LINC00305: variants seen among roughly 807,000 people sequenced by gnomAD.
The protein encoded by LINC00305 is long independently transcribed non-coding RNA 305.
At chr18:64,142,500 A>G (rs1386542074) in intron 1 of LINC00305, among the ~76,000 whole-genome samples, 1 of 152,154 alleles carries the variant, frequency 6.6e-6, no homozygotes, top group South Asian at 2.1e-4. Flanking sequence ...TATCCCCACC[A>G]CTTCTAAATG....
intron 1 of LINC00305, among the ~76,000 whole-genome samples, chr18:64,108,288 G>A (rs970409454): frequency 6.6e-6 from 1 of 152,168 alleles, no homozygotes; most frequent in African/African-American, 2.4e-5. Flanking sequence ...GGAAGCTAAG[G>A]ATGGCTTGGG....
At chr18:64,140,110 C>T (rs1376627375) in intron 1 of LINC00305, among the ~76,000 whole-genome samples, 1 of 152,208 alleles carries the variant, frequency 6.6e-6, no homozygotes, top group African/African-American at 2.4e-5. Context: ...CCAATTCCCA[C>T]TTTCTGTGAC....
At chr18:64,143,779 T>C (rs2051482683) in intron 1 of LINC00305, among the ~76,000 whole-genome samples, 2 of 98,968 alleles carry the variant, frequency 2.0e-5, no homozygotes, top group East Asian at 4.3e-4. Flanking sequence ...TGCGTACATG[T>C]ATGTACACAT....
chr18:64,092,660 A>T (rs1297545261), intron 3 of LINC00305, among the ~76,000 whole-genome samples: 1 of 152,194 alleles, frequency 6.6e-6, no homozygotes, highest in Non-Finnish European at 1.5e-5. Context: ...CCTCCAACAA[A>T]GGTGAGGTGT....
intron 1 of LINC00305, among the ~76,000 whole-genome samples, chr18:64,145,504 C>G (rs1327923599): frequency 1.3e-5 from 2 of 152,164 alleles, no homozygotes; most frequent in Non-Finnish European, 2.9e-5. Flanking sequence ...CTCAACCTGC[C>G]GATCTGCCTG....
At chr18:64,081,016 T>G (rs1327680883) in intron 3 of LINC00305, among the ~76,000 whole-genome samples, 1 of 152,236 alleles carries the variant, frequency 6.6e-6, no homozygotes, top group East Asian at 1.9e-4. Context: ...TATCTGTGTG[T>G]GTCTGTGTGT....
chr18:64,143,534 C>T (rs2051475016), intron 1 of LINC00305, among the ~76,000 whole-genome samples: 1 of 114,306 alleles, frequency 8.7e-6, no homozygotes, highest in African/African-American at 3.7e-5. Context: ...ATTATGTGTA[C>T]ATATATATGT....
intron 1 of LINC00305, among the ~76,000 whole-genome samples, chr18:64,144,907 TG>T (rs1375755949): frequency 6.6e-6 from 1 of 152,106 alleles, no homozygotes; most frequent in Non-Finnish European, 1.5e-5. Flanking sequence ...TTCATACCTC[TG>T]GGAGTGGAAT....
At chr18:64,109,596 CG>C (rs537337449) in intron 1 of LINC00305, among the ~76,000 whole-genome samples, 335 of 152,330 alleles carry the variant, frequency 2.2e-3, no homozygotes, top group Non-Finnish European at 4.1e-3. Flanking sequence ...ATGTATTCAG[CG>C]TCTACCAGTT....
At chr18:64,096,125 C>G (rs2051244168) in intron 3 of LINC00305, among the ~76,000 whole-genome samples, 2 of 151,870 alleles carry the variant, frequency 1.3e-5, no homozygotes, top group Admixed American at 6.6e-5. Context: ...TAAGATGACT[C>G]AAATAGACTT....
chr18:64,098,633 T>C, exon 2 of LINC00305: 1 of 427,264 alleles, frequency 2.3e-6, no homozygotes, highest in Non-Finnish European at 4.7e-6. Context: ...AACCAGATAA[T>C]TTCCATCCTG....
intron 1 of LINC00305, among the ~76,000 whole-genome samples, chr18:64,119,429 A>T (rs1384235509): frequency 1.3e-5 from 2 of 152,164 alleles, no homozygotes; most frequent in Non-Finnish European, 2.9e-5. Context: ...TAATGTATTG[A>T]TTCACTGCAA....
intron 1 of LINC00305, among the ~76,000 whole-genome samples, chr18:64,141,212 G>A (rs1283249555): frequency 6.6e-6 from 1 of 152,048 alleles, no homozygotes; most frequent in Non-Finnish European, 1.5e-5. Context: ...ATAAGTTTAT[G>A]TTGTTTTGAG....
chr18:64,104,870 C>T (rs183080493), intron 1 of LINC00305, among the ~76,000 whole-genome samples: 6 of 151,878 alleles, frequency 4.0e-5, no homozygotes, highest in Admixed American at 6.6e-5. Flanking sequence ...TCCTGGGACC[C>T]GGAGGCCTCT....
At chr18:64,101,131 T>C (rs2051266555) in intron 1 of LINC00305, among the ~76,000 whole-genome samples, 2 of 152,268 alleles carry the variant, frequency 1.3e-5, no homozygotes, top group South Asian at 4.1e-4. Flanking sequence ...GGTGGGTTTG[T>C]ATTTGATAAC....
intron 1 of LINC00305, among the ~76,000 whole-genome samples, chr18:64,121,214 A>G (rs1026581419): frequency 5.3e-5 from 8 of 152,048 alleles, no homozygotes; most frequent in African/African-American, 1.9e-4. Context: ...AAATTTGTAT[A>G]AATTTATGGG....
intron 1 of LINC00305, among the ~76,000 whole-genome samples, chr18:64,140,636 T>C (rs537867749): frequency 1.7e-4 from 26 of 152,260 alleles, no homozygotes; most frequent in African/African-American, 5.3e-4. Flanking sequence ...TTGATCCTAC[T>C]GTTTAGAGCA....
intron 1 of LINC00305, among the ~76,000 whole-genome samples, chr18:64,148,305 G>C (rs1180987670): frequency 6.6e-6 from 1 of 152,028 alleles, no homozygotes; most frequent in Non-Finnish European, 1.5e-5. Context: ...TTCCTCTGGG[G>C]TGCAAACTTC....
chr18:64,121,793 T>C (rs1393380402), intron 1 of LINC00305, among the ~76,000 whole-genome samples: 2 of 152,130 alleles, frequency 1.3e-5, no homozygotes, highest in Non-Finnish European at 2.9e-5. Flanking sequence ...GTTGTACTAA[T>C]TTACGTTCCC....
Sources: gnomAD v4.1 joint callset for allele counts (sites outside exome capture counted in the v4.1 genomes callset) on GRCh38, gnomAD v4.1.1 for gene constraint, MANE v1.5 for transcripts, NCBI Gene and HGNC (gene_info 2026-07-23, HGNC 2026-07-21) for gene names.